Variants in ADAMTS9 observed in about 807,000 individuals in gnomAD.
ADAMTS9 encodes ADAM metallopeptidase with thrombospondin type 1 motif 9.
A neutral mutation model predicts 257.1 loss-of-function variants in ADAMTS9; 107 were observed. The observed-to-expected ratio is 0.42, with a 90% CI of 0.36 to 0.49. ADAMTS9 has a LOEUF of 0.49. Ranked by LOEUF, ADAMTS9 falls within the 20% of genes least tolerant of loss-of-function variation. The pLI is 0.03. For missense variants in ADAMTS9, 2,353 were observed against 2,469.1 expected, an observed-to-expected ratio of 0.95 and a Z score of 1.00; for synonymous variants, 982 against 880.9, an observed-to-expected ratio of 1.11 and a Z score of -2.03.
intron 3 of ADAMTS9, among the ~76,000 whole-genome samples, chr3:64,672,046 T>TA (rs760333605): frequency 6.6e-6 from 1 of 152,178 alleles, no homozygotes; most frequent in Non-Finnish European, 1.5e-5. Context: ...AAAGACAGCC[T>TA]ACTCAAGTGA....
rs553947250 is a variant in ADAMTS9, at chr3:64,558,255, C to T, written c.4698+3323G>A. ...AAGCTTCCGGGCTTCAAATTCCAGC[C>T]ATATTATTTACTAAATGCATGATCA... is the stretch of plus-strand genomic sequence containing the variant. On this transcript the variant is annotated intron_variant, in intron 30 of 39. Coordinates refer to ENST00000498707, the MANE Select transcript of ADAMTS9 (RefSeq NM_182920.2). 7.0e-4 allele frequency among the ~76,000 whole-genome samples: 107 copies of T among 152,140 alleles called. 1 individual carries two copies. The highest frequency in any genetic ancestry group is 2.5e-3 in the African/African-American group (104 of 41,508).
intron 3 of ADAMTS9, 31 bp from the exon 4 acceptor site, chr3:64,658,822 T>G (rs764318491): frequency 6.4e-7 from 1 of 1,571,656 alleles, no homozygotes; most frequent in East Asian, 2.2e-5. Context: ...TGCATTACAT[T>G]TCAAGCCACA....
chr3:64,524,602 C>G (rs2082887451), intron 38 of ADAMTS9, among the ~76,000 whole-genome samples: 3 of 152,206 alleles, frequency 2.0e-5, no homozygotes, highest in Non-Finnish European at 4.4e-5. Context: ...AAGCTATACT[C>G]AGTTATTATG....
intron 16 of ADAMTS9, among the ~76,000 whole-genome samples, chr3:64,628,759 A>T (rs1333472580): frequency 6.6e-6 from 1 of 152,200 alleles, no homozygotes; most frequent in African/African-American, 2.4e-5. Context: ...AGCTAACCCC[A>T]TTCTCCATTA....
chr3:64,547,036 C>A, intron 31 of ADAMTS9, 84 bp from the exon 32 acceptor site: 1 of 1,236,138 alleles, frequency 8.1e-7, no homozygotes. Context: ...ACACCAAGCG[C>A]TGACCGTGTG....
intron 30 of ADAMTS9, among the ~76,000 whole-genome samples, chr3:64,554,678 C>A (rs1301792647): frequency 2.6e-5 from 4 of 152,212 alleles, no homozygotes; most frequent in Admixed American, 2.0e-4. Flanking sequence ...CACCAGCCTC[C>A]TTGCATTTCA....
chr3:64,584,428 A>C (rs1233910872), intron 28 of ADAMTS9, among the ~76,000 whole-genome samples: 2 of 152,066 alleles, frequency 1.3e-5, no homozygotes. Context: ...GCCAATAAAA[A>C]AGTAGGAAAG....
At chr3:64,602,234 G>C (rs2084476882) in intron 25 of ADAMTS9, 21 bp from the exon 26 acceptor site, 1 of 1,610,718 alleles carries the variant, frequency 6.2e-7, no homozygotes, top group Non-Finnish European at 8.5e-7. Flanking sequence ...TGTTCAGAAA[G>C]AGAAAGGGTC....
intron 38 of ADAMTS9, among the ~76,000 whole-genome samples, chr3:64,524,033 C>T (rs1596371): frequency 0.97 from 147,960 of 152,254 alleles, 72,049 homozygotes; most frequent in East Asian, 1. Context: ...AGTAATTTCA[C>T]TGATAATACT....
intron 27 of ADAMTS9, among the ~76,000 whole-genome samples, 198 bp downstream of exon 27, chr3:64,596,632 G>A (rs2084369257): frequency 1.3e-5 from 2 of 152,112 alleles, no homozygotes; most frequent in Non-Finnish European, 2.9e-5. Flanking sequence ...CCTCACCTGT[G>A]TACCCAAACT....
rs563882789 is a variant in ADAMTS9 at position 64,535,503 on chromosome 3, A to C, written c.5614-2233T>G. 2.0e-5 allele frequency among the ~76,000 whole-genome samples: 3 copies of C among 146,630 alleles called. No homozygotes were observed. The South Asian group carries it at 6.6e-4, about 32-fold the overall frequency. On this transcript the variant is annotated intron_variant, in intron 37 of 39. Transcript: ENST00000498707. ...GCACTGAAGCCCCCTCAGACACCGG[A>C]TTCTGTATGTTGCATTATTCCATTG...
intron 30 of ADAMTS9, among the ~76,000 whole-genome samples, chr3:64,556,348 T>A (rs2083332932): frequency 6.6e-6 from 1 of 152,192 alleles, no homozygotes; most frequent in Admixed American, 6.5e-5. Flanking sequence ...TGAGACAGGG[T>A]CTTGCTCTGT....
At chr3:64,685,234 T>A (rs1701869075) in intron 2 of ADAMTS9, 1 of 152,340 alleles carries the variant, frequency 6.6e-6, no homozygotes, top group Admixed American at 6.5e-5. Context: ...CTTGCCACGC[T>A]CTCCACCCGA....
At chr3:64,662,675 A>G (rs955938332) in intron 3 of ADAMTS9, among the ~76,000 whole-genome samples, 18 of 152,124 alleles carry the variant, frequency 1.2e-4, no homozygotes, top group Admixed American at 8.5e-4. Context: ...TTATTCTACC[A>G]GGAAAGTTAA....
rs1270378983 is a variant in ADAMTS9 at position 64,686,526 on chromosome 3, G to C, written c.516+42C>G. ...ACAATTAAGTCTTCTAGAAGCGGGCGAGGAGGCGGAAGGGGAGAGGAGGTG... is the reference window on the plus strand; with the variant it reads ...ACAATTAAGTCTTCTAGAAGCGGGCCAGGAGGCGGAAGGGGAGAGGAGGTG... On this transcript the variant is annotated intron_variant, in intron 2 of 39. Transcript: ENST00000498707. This position sits in a 1 kb window ranked among gnomAD's most constrained non-coding sequence, Gnocchi z 4.6. The C allele has an allele frequency of 1.1e-5, 17 of 1,543,330 alleles. No individual in the cohort carries two copies. Among genetic ancestry groups the C allele is most frequent in the Non-Finnish European group, 1.4e-5 (16 of 1,143,684 alleles).
chr3:64,626,791 T>G (rs1440356670), intron 16 of ADAMTS9, among the ~76,000 whole-genome samples: 1 of 152,102 alleles, frequency 6.6e-6, no homozygotes, highest in Non-Finnish European at 1.5e-5. Context: ...ATTGATGGAG[T>G]CTGACACTCA....
Position 64,648,053 on chromosome 3 carries a change from T to A in ADAMTS9, c.1606-9A>T. 3 of 1,602,040 alleles carry A rather than the reference T, an allele frequency of 1.9e-6. No homozygotes were observed. Among genetic ancestry groups the A allele is most frequent in the Non-Finnish European group, 2.6e-6 (3 of 1,176,432 alleles). On this transcript the variant is annotated splice_polypyrimidine_tract_variant and intron_variant, in intron 10 of 39. Transcript: ENST00000498707. ...AGCCGTCTGCACTGCATCTGCTCAA[T>A]TCAATGAAATGGCAATTGAGTGACA...
At chr3:64,682,167 C>A (rs894562267) in intron 2 of ADAMTS9, among the ~76,000 whole-genome samples, 1 of 152,138 alleles carries the variant, frequency 6.6e-6, no homozygotes, top group Non-Finnish European at 1.5e-5. Flanking sequence ...CAGCACCTAC[C>A]CATTCACCTT....
At chr3:64,532,823 A>T (rs954959014) in intron 38 of ADAMTS9, among the ~76,000 whole-genome samples, 6 of 152,218 alleles carry the variant, frequency 3.9e-5, no homozygotes, top group African/African-American at 1.4e-4. Context: ...TCATAGAACG[A>T]ACCGCAAGCT....
Sources: allele counts gnomAD v4.1 joint callset (sites outside exome capture counted in the v4.1 genomes callset), GRCh38; gene constraint gnomAD v4.1.1; non-coding constraint Gnocchi (gnomAD v3.1); transcripts MANE v1.5; gene names NCBI Gene and HGNC (gene_info 2026-07-23, HGNC 2026-07-21).